Variants in LRRC63 observed in about 807,000 individuals in gnomAD.
LRRC63 encodes leucine-rich repeat-containing protein 63.
Under a neutral mutation model 49.5 loss-of-function variants are expected in LRRC63, and 40 were observed. The observed-to-expected ratio is 0.81, with a 90% CI of 0.63 to 1.05. The LOEUF is 1.05. LRRC63 is among the 50% of genes least tolerant of loss of function. LRRC63 has a pLI of 0.00. For synonymous variants in LRRC63, 191 were observed against 221.1 expected (o/e 0.86, Z 1.21); for missense variants, 636 against 663.1 (o/e 0.96, Z 0.45).
At chr13:46,265,813 C>A (rs149397514) in intron 8 of LRRC63, among the ~76,000 whole-genome samples, 181 of 152,286 alleles carry the variant, frequency 1.2e-3, no homozygotes, top group African/African-American at 4.1e-3. Flanking sequence ...GTCTTGCTCA[C>A]CTTTTTCAGA....
chr13:46,222,976 C>T (rs7992882), intron 2 of LRRC63, among the ~76,000 whole-genome samples: 48,499 of 148,440 alleles, frequency 0.33, 8,085 homozygotes, highest in East Asian at 0.42. Flanking sequence ...AAACCAAACA[C>T]GGCATGTTCT....
chr13:46,227,560 A>G (rs1415463225), exon 3 of LRRC63: 1 of 1,546,612 alleles, frequency 6.5e-7, no homozygotes, highest in African/African-American at 1.4e-5. Flanking sequence ...ACTGAAGATG[A>G]AACCACTTCC....
At chr13:46,251,720 T>C (rs1349157200) in intron 7 of LRRC63, among the ~76,000 whole-genome samples, 3 of 151,890 alleles carry the variant, frequency 2.0e-5, no homozygotes, top group Non-Finnish European at 4.4e-5. Flanking sequence ...ATTACATATA[T>C]ACACACACAG....
intron 2 of LRRC63, among the ~76,000 whole-genome samples, chr13:46,218,027 G>T (rs2046302733): frequency 6.6e-6 from 1 of 152,092 alleles, no homozygotes; most frequent in Non-Finnish European, 1.5e-5. Flanking sequence ...CCAATTATGT[G>T]GTCAATTTTC....
chr13:46,275,436 G>A (rs1300787085), intron 9 of LRRC63, among the ~76,000 whole-genome samples: 1 of 152,048 alleles, frequency 6.6e-6, no homozygotes, highest in Non-Finnish European at 1.5e-5. Context: ...ATTTACCACT[G>A]AAACTGTGTA....
intron 7 of LRRC63, among the ~76,000 whole-genome samples, chr13:46,255,325 G>T (rs2047482240): frequency 6.6e-6 from 1 of 152,074 alleles, no homozygotes; most frequent in African/African-American, 2.4e-5. Flanking sequence ...TGTTTGGGAT[G>T]ATGGGAAAGT....
At position 46,275,173 on chromosome 13, in the gene LRRC63, A is replaced by G. The variant is rs147052445; in HGVS notation, c.1551-1417A>G. ...GATTTTATTCCTTTTATAGCTGAATAGTATTCCATTGTGTGTACATACCAT... is the reference window on the plus strand; with the variant it reads ...GATTTTATTCCTTTTATAGCTGAATGGTATTCCATTGTGTGTACATACCAT... On this transcript the variant is annotated intron_variant, in intron 9 of 9. Coordinates refer to ENST00000595396, the Ensembl canonical transcript of LRRC63. 5.5e-4 allele frequency among the ~76,000 whole-genome samples: 84 copies of G among 152,312 alleles called. No homozygotes were observed. The Middle Eastern group carries it at 0.01, about 19-fold the overall frequency.
chr13:46,220,826 G>A (rs1388928779), intron 2 of LRRC63, among the ~76,000 whole-genome samples: 2 of 152,098 alleles, frequency 1.3e-5, no homozygotes, highest in African/African-American at 2.4e-5. Context: ...CATTCCTCAC[G>A]GCACAGTCCC....
intron 5 of LRRC63, among the ~76,000 whole-genome samples, chr13:46,245,938 T>C (rs2047200085): frequency 6.6e-6 from 1 of 152,216 alleles, no homozygotes; most frequent in Non-Finnish European, 1.5e-5. Flanking sequence ...ATGGTTTGGA[T>C]CTGTGTCCTC....
At chr13:46,268,264 G>A (rs999896231) in intron 9 of LRRC63, among the ~76,000 whole-genome samples, 2 of 152,070 alleles carry the variant, frequency 1.3e-5, no homozygotes, top group Admixed American at 1.3e-4. Context: ...CACCTGAAGA[G>A]AGATCTGAAA....
At chr13:46,239,107 G>A (rs2046984407) in intron 5 of LRRC63, among the ~76,000 whole-genome samples, 2 of 151,948 alleles carry the variant, frequency 1.3e-5, no homozygotes, top group South Asian at 4.1e-4. Context: ...CAACCCCAAA[G>A]CTAGCAGAAG....
At chr13:46,276,073 T>G (rs1281320172) in intron 9 of LRRC63, among the ~76,000 whole-genome samples, 1 of 152,178 alleles carries the variant, frequency 6.6e-6, no homozygotes, top group Non-Finnish European at 1.5e-5. Flanking sequence ...CTTCTGTGAA[T>G]AGTCTATTCC....
chr13:46,237,268 C>T (rs867062662), intron 5 of LRRC63, among the ~76,000 whole-genome samples: 5 of 152,058 alleles, frequency 3.3e-5, no homozygotes, highest in African/African-American at 1.2e-4. Context: ...ATTTTTAGGG[C>T]AGTGATTCTG....
rs747631758 is a variant in LRRC63 at position 46,261,926 on chromosome 13, A to G, written c.1244A>G (p.Tyr415Cys). 6 of 1,103,092 alleles carry G rather than the reference A, an allele frequency of 5.4e-6. No individual in the cohort carries two copies. In the South Asian group the frequency reaches 2.3e-4, roughly 43 times the overall value. The allele number at this position is 1,103,092 out of a possible 1,614,324, so 68.3% of individuals were successfully genotyped here. A position where few individuals can be genotyped will look rare whatever the true frequency, so the allele number is the denominator to read the frequency against. ...TATTTAAGGTTATTTTCCTTGTCTT[A>G]TCTTGAAGAACTTGATGTTTCCTAT... The change falls in exon 8 of 10, where the codon TAT (tyrosine) becomes TGT (cysteine). Residue 415 changes from tyrosine to cysteine, a missense_variant. Coordinates refer to ENST00000595396, the Ensembl canonical transcript of LRRC63.
intron 5 of LRRC63, among the ~76,000 whole-genome samples, chr13:46,235,704 G>T (rs2138445049): frequency 6.6e-6 from 1 of 152,216 alleles, no homozygotes; most frequent in African/African-American, 2.4e-5. Flanking sequence ...TCATAAAAAG[G>T]CTTGAGGGAG....
intron 8 of LRRC63, among the ~76,000 whole-genome samples, chr13:46,265,850 T>C (rs1311236258): frequency 2.0e-5 from 3 of 152,190 alleles, no homozygotes; most frequent in Non-Finnish European, 4.4e-5. Flanking sequence ...AGTCAAACTC[T>C]GGTTGAGGGA....
intron 9 of LRRC63, chr13:46,270,096 C>G (rs1449617850): frequency 1.6e-6 from 1 of 624,932 alleles, no homozygotes; most frequent in East Asian, 2.7e-5. Flanking sequence ...GAGCGCCAAA[C>G]CGCAGAGCCG....
intron 9 of LRRC63, chr13:46,270,763 G>GTTT (rs889062256): frequency 2.5e-5 from 12 of 483,646 alleles, no homozygotes; most frequent in Non-Finnish European, 3.8e-5. Context: ...ACTTACCTTC[G>GTTT]TTTCCCCTCT....
intron 4 of LRRC63, among the ~76,000 whole-genome samples, chr13:46,231,624 C>T (rs1346418328): frequency 5.9e-5 from 9 of 152,038 alleles, no homozygotes; most frequent in Non-Finnish European, 1.3e-4. Context: ...ATTCTCCTGC[C>T]TCAGCCTCCT....
Sources: gnomAD v4.1 joint callset for allele counts (sites outside exome capture counted in the v4.1 genomes callset) on GRCh38, gnomAD v4.1.1 for gene constraint, MANE v1.5 for transcripts, NCBI Gene and HGNC (gene_info 2026-07-23, HGNC 2026-07-21) for gene names.